Variants in LRRC43 observed in about 807,000 individuals in gnomAD.
LRRC43 encodes the protein leucine-rich repeat-containing protein 43.
A neutral mutation model predicts 64.3 loss-of-function variants in LRRC43; 62 were observed. That is an observed-to-expected ratio of 0.96 (90% CI 0.79 to 1.19). The LOEUF is 1.19. LRRC43 is among the 50% of genes most tolerant of loss of function. The pLI, the probability that LRRC43 is intolerant of heterozygous loss-of-function variation, is 0.00. For synonymous variants in LRRC43, 422 were observed against 382.3 expected (o/e 1.10, Z -1.21); for missense variants, 868 against 845.0 (o/e 1.03, Z -0.34).
intron 4 of LRRC43, among the ~76,000 whole-genome samples, chr12:122,188,625 G>A (rs2136039663): frequency 6.6e-6 from 1 of 151,752 alleles, no homozygotes; most frequent in African/African-American, 2.4e-5. Context: ...ATTTTTAGTA[G>A]AGACGGGGTT....
In LRRC43 at chr12:122,184,871, G is replaced by GATC; in HGVS notation, c.411+93_411+95dup. ...GCACCCTTCCCCACAGCGCGTCAGG[G>GATC]ATCCTGCTTTCAGGGCTGAAACGAA... On this transcript the variant is annotated intron_variant, in intron 2 of 11. Transcript: ENST00000339777. The surrounding 1 kb of genome is among the most constrained non-coding windows in gnomAD (Gnocchi z 4.0). 1 of 1,408,026 alleles carries GATC rather than the reference G, an allele frequency of 7.1e-7. No individual in the cohort carries two copies. The highest frequency in any genetic ancestry group is 9.7e-7 in the Non-Finnish European group (1 of 1,033,372). The allele number at this position is 1,408,026 out of a possible 1,614,324, so 87.2% of individuals were successfully genotyped here.
chr12:122,193,531 C>T (rs1448053847), intron 7 of LRRC43, among the ~76,000 whole-genome samples: 2 of 152,040 alleles, frequency 1.3e-5, no homozygotes, highest in Admixed American at 6.6e-5. Flanking sequence ...ACAACTGAGT[C>T]CCACTTCCCT....
intron 1 of LRRC43, chr12:122,173,776 C>G (rs996004090): frequency 1.4e-6 from 2 of 1,405,156 alleles, no homozygotes; most frequent in African/African-American, 1.4e-5. Context: ...GAGAGAGGAG[C>G]CTCTTTGGAG....
intron 1 of LRRC43, among the ~76,000 whole-genome samples, chr12:122,170,848 G>C (rs1953478880): frequency 6.6e-6 from 1 of 151,876 alleles, no homozygotes; most frequent in Admixed American, 6.6e-5. Context: ...TCTCAAACTT[G>C]AGGGTGTATT....
upstream of LRRC43, among the ~76,000 whole-genome samples, chr12:122,179,334 G>A (rs1394060945): frequency 6.6e-6 from 1 of 152,016 alleles, no homozygotes; most frequent in East Asian, 1.9e-4. Flanking sequence ...TTAAACTCCG[G>A]GGCTCAAGCA....
At chr12:122,199,819 G>A (rs1953814224) in intron 7 of LRRC43, among the ~76,000 whole-genome samples, 1 of 151,962 alleles carries the variant, frequency 6.6e-6, no homozygotes, top group Non-Finnish European at 1.5e-5. Context: ...CCTTGGTTCA[G>A]GCGATCCTCC....
At chr12:122,182,261 C>G (rs1226633489), upstream of LRRC43, among the ~76,000 whole-genome samples, 1 of 152,058 alleles carries the variant, frequency 6.6e-6, no homozygotes, top group South Asian at 2.1e-4. Flanking sequence ...CGGTGGCTCA[C>G]GTATGTAATC....
intron 7 of LRRC43, among the ~76,000 whole-genome samples, chr12:122,197,179 C>T (rs1953780853): frequency 1.3e-5 from 2 of 152,086 alleles, no homozygotes; most frequent in Admixed American, 1.3e-4. Flanking sequence ...TCTCCTTCCC[C>T]ACTTAAGTTT....
chr12:122,169,581 T>C (rs1294946909), intron 1 of LRRC43, among the ~76,000 whole-genome samples: 1 of 151,710 alleles, frequency 6.6e-6, no homozygotes, highest in African/African-American at 2.4e-5. Context: ...CCGGGCGTGG[T>C]GGCGGGCGCC....
chr12:122,174,851 T>TG (rs1953523514), intron 1 of LRRC43, among the ~76,000 whole-genome samples: 2 of 151,708 alleles, frequency 1.3e-5, no homozygotes, highest in Admixed American at 1.3e-4. Flanking sequence ...TTTCTTTTTT[T>TG]TTTTTTTGAG....
Position 122,183,171 on chromosome 12 carries a change from C to A in LRRC43, c.27C>A (p.Ser9=). MEASYESE[S]ESESEAGPGT... Reference sequence around the variant, plus strand: ...TGGAGGCGTCGTACGAGTCCGAGTCCGAGTCCGAGTCTGAGGCCGGGCCTG... The same window carrying A: ...TGGAGGCGTCGTACGAGTCCGAGTCAGAGTCCGAGTCTGAGGCCGGGCCTG... The change falls in exon 1 of 12, where the codon TCC becomes TCA. Residue 9 remains serine (S), a synonymous_variant. Transcript: ENST00000339777. The A allele has an allele frequency of 6.4e-7, 1 of 1,553,784 alleles. No individual in the cohort carries two copies. Among genetic ancestry groups the A allele is most frequent in the Non-Finnish European group, 8.6e-7 (1 of 1,156,894 alleles).
In LRRC43 at chr12:122,185,963, C is replaced by T. The variant is rs551161885; in HGVS notation, c.412-227C>T. Among the ~76,000 whole-genome samples, 40 of 152,206 alleles carry T rather than the reference C, an allele frequency of 2.6e-4. 1 individual carries two copies. The highest frequency in any genetic ancestry group is 9.4e-4 in the African/African-American group (39 of 41,526). On this transcript the variant is annotated intron_variant, in intron 2 of 11. Transcript: ENST00000339777. ...CCAACAAAGGACACAGGTCATTGGC[C>T]TAGAAATCATGCACCACCTATGGTC...
intron 7 of LRRC43, among the ~76,000 whole-genome samples, chr12:122,197,977 TC>T (rs1953789218): frequency 6.6e-6 from 1 of 152,084 alleles, no homozygotes; most frequent in African/African-American, 2.4e-5. Context: ...GTACAATTTT[TC>T]TTTTTCTTTT....
intron 1 of LRRC43, among the ~76,000 whole-genome samples, chr12:122,176,658 A>ATT (rs369675090): frequency 2.1e-5 from 3 of 144,736 alleles, no homozygotes; most frequent in Non-Finnish European, 4.6e-5. Context: ...TAGTAGTAGC[A>ATT]TTTTTTTTTT....
At chr12:122,191,889 A>G (rs1953722994) in intron 6 of LRRC43, among the ~76,000 whole-genome samples, 1 of 152,204 alleles carries the variant, frequency 6.6e-6, no homozygotes, top group East Asian at 1.9e-4. Flanking sequence ...CCTGAGCTCA[A>G]GTGATCCTCG....
chr12:122,194,576 AAAAAG>A lies in LRRC43; in HGVS notation c.1349+1587_1349+1591del, dbSNP rs779923832. On this transcript the variant is annotated intron_variant, in intron 7 of 11. Coordinates refer to ENST00000339777, the MANE Select transcript of LRRC43 (RefSeq NM_001098519.2). Reference sequence around the variant, plus strand: ...AAAGAAGCTCCGTCTCAAAAAAAAAAAAAAGAAAAGAAAAGAAAAAAGGATTTACT... The same window carrying A: ...AAAGAAGCTCCGTCTCAAAAAAAAAAAAAAGAAAAGAAAAAAGGATTTACT... Among the ~76,000 whole-genome samples the A allele has an allele frequency of 4.5e-3, 391 of 86,552 alleles. 1 individual carries two copies. Among genetic ancestry groups the A allele is most frequent in the East Asian group, 0.01 (5 of 486 alleles). 56.8% of individuals were successfully genotyped at this position (86,552 alleles called of 152,430 possible).
Position 122,200,997 on chromosome 12 carries a change from G to A in LRRC43, c.1809+63G>A, listed in dbSNP as rs540002376. On this transcript the variant is annotated intron_variant, in intron 10 of 11. Coordinates refer to ENST00000339777, the MANE Select transcript of LRRC43 (RefSeq NM_001098519.2). The surrounding 1 kb of genome is among the most constrained non-coding windows in gnomAD (Gnocchi z 4.6). ...TTCGCCCTCCCCATGGGAACCCCGCGGGCAAGCAAGGGCTGTGGGCCCAGG... is the reference window on the plus strand; with the variant it reads ...TTCGCCCTCCCCATGGGAACCCCGCAGGCAAGCAAGGGCTGTGGGCCCAGG... 402 of 1,512,078 alleles carry A rather than the reference G, an allele frequency of 2.7e-4. 1 individual carries two copies. In the East Asian group the frequency reaches 7.5e-3, roughly 28 times the overall value. 93.7% of individuals were successfully genotyped at this position (1,512,078 alleles called of 1,614,324 possible).
In LRRC43 at chr12:122,203,413, G is replaced by A. The variant is rs200712850; in HGVS notation, c.1942G>A (p.Glu648Lys). The A allele has an allele frequency of 1.8e-3, 2,861 of 1,612,024 alleles. 7 individuals carry two copies. Among genetic ancestry groups the A allele is most frequent in the Non-Finnish European group, 2.2e-3 (2,637 of 1,179,640 alleles). ...QIQLNQCRSAEEALRMFAV is the reference protein window; with the variant it reads ...QIQLNQCRSAKEALRMFAV ...CCAGCTGAACCAGTGCCGCTCGGCG[G>A]AGGAGGCTCTGCGCATGTTCGCCGT... The change falls in exon 12 of 12, where the codon GAG becomes AAG. Residue 648 changes from glutamate (E) to lysine (K), a missense_variant. By Grantham distance (56) the Glu-to-Lys change is moderately conservative. Coordinates refer to ENST00000339777, the MANE Select transcript of LRRC43 (RefSeq NM_001098519.2).
intron 6 of LRRC43, among the ~76,000 whole-genome samples, chr12:122,191,881 T>C (rs559331293): frequency 8.9e-4 from 136 of 152,286 alleles, no homozygotes; most frequent in Non-Finnish European, 1.7e-3. Context: ...CTGGAACTCC[T>C]GAGCTCAAGT....
Sources: allele counts gnomAD v4.1 joint callset (sites outside exome capture counted in the v4.1 genomes callset), GRCh38; gene constraint gnomAD v4.1.1; non-coding constraint Gnocchi (gnomAD v3.1); transcripts MANE v1.5; gene names NCBI Gene and HGNC (gene_info 2026-07-23, HGNC 2026-07-21).